The following CA5B variants were observed in gnomAD, a reference collection of about 807,000 sequenced individuals.
The protein encoded by CA5B is carbonic anhydrase 5B, mitochondrial.
CA5B carries 15 observed loss-of-function variants against 23.1 expected under a neutral mutation model. The ratio of observed to expected loss-of-function variants is 0.65; its 90% CI spans 0.43 to 1.00. CA5B has a LOEUF of 1.00. Ranked by LOEUF, CA5B falls within the 50% of genes least tolerant of loss-of-function variation. CA5B has a pLI of 0.00. For synonymous variants in CA5B, 84 were observed against 98.5 expected (o/e 0.85, Z 0.87); for missense variants, 236 against 252.2 (o/e 0.94, Z 0.43).
In CA5B at chrX:15,738,736, T is replaced by G. The variant is rs148663192; in HGVS notation, c.-54+384T>G. On this transcript the variant is annotated intron_variant, in intron 1 of 7. Coordinates refer to ENST00000318636, the MANE Select transcript of CA5B (RefSeq NM_007220.4). ...CAAATAACTCCAGAAAGTCCAGCCT[T>G]CTGTGAAATAGCTAGAGACGGGGGT... Among the ~76,000 whole-genome samples, 734 of 111,131 alleles carry G rather than the reference T, an allele frequency of 6.6e-3. 15 individuals carry two copies. Among genetic ancestry groups the G allele is most frequent in the African/African-American group, 0.023 (712 of 30,513 alleles).
chrX:15,747,277 G>T (rs1601778245), intron 1 of CA5B, among the ~76,000 whole-genome samples: 1 of 111,884 alleles, frequency 8.9e-6, no homozygotes, highest in Non-Finnish European at 1.9e-5. Context: ...TAGACACGAG[G>T]CTGGCCACAC....
At position 15,787,807 on chromosome X, in the gene CA5B, G is replaced by A. The variant is rs1231417181; in HGVS notation, c.*5143G>A. 5.4e-5 allele frequency: 6 copies of A among 111,980 alleles called. No homozygotes were observed. Among genetic ancestry groups the A allele is most frequent in the Admixed American group, 4.8e-4 (5 of 10,506 alleles). 9.2% of individuals were successfully genotyped at this position (111,980 alleles called of 1,213,427 possible). ...TCTCTACTAAAAAATACAAAAATTAGCCAGGTGGTTGTGGCATGCACCTGT... is the reference window on the plus strand; with the variant it reads ...TCTCTACTAAAAAATACAAAAATTAACCAGGTGGTTGTGGCATGCACCTGT... On this transcript the variant is annotated 3_prime_UTR_variant, in exon 8 of 8. Coordinates refer to ENST00000318636, the MANE Select transcript of CA5B (RefSeq NM_007220.4).
intron 3 of CA5B, among the ~76,000 whole-genome samples, chrX:15,767,300 T>C (rs1303074641): frequency 8.9e-6 from 1 of 112,508 alleles, no homozygotes; most frequent in African/African-American, 3.2e-5. Flanking sequence ...AGAAAGTTGC[T>C]TAATGAGTTT....
At chrX:15,752,710 GCGAGA>G (rs2147257057) in intron 2 of CA5B, among the ~76,000 whole-genome samples, 2 of 97,990 alleles carry the variant, frequency 2.0e-5, no homozygotes, top group South Asian at 9.5e-4. Context: ...GGGCGACAGA[GCGAGA>G]CTCTGTCTCA....
At chrX:15,748,708 ACCC>A (rs565940460) in intron 1 of CA5B, among the ~76,000 whole-genome samples, 17 of 58,287 alleles carry the variant, frequency 2.9e-4, no homozygotes, top group Non-Finnish European at 4.1e-4. Flanking sequence ...TATAGTGAGA[ACCC>A]CCCCCCCCGC....
intron 7 of CA5B, among the ~76,000 whole-genome samples, chrX:15,777,405 C>T (rs1931951685): frequency 9.0e-6 from 1 of 111,368 alleles, no homozygotes; most frequent in African/African-American, 3.3e-5. Context: ...ATATAAACTA[C>T]AATAATATTT....
intron 1 of CA5B, among the ~76,000 whole-genome samples, chrX:15,744,165 T>C (rs750473384): frequency 8.9e-6 from 1 of 112,875 alleles, no homozygotes; most frequent in Non-Finnish European, 1.9e-5. Context: ...CTTGGTGTCA[T>C]GCAGACAGTG....
chrX:15,776,906 T>G (rs1210953246), intron 7 of CA5B, 37 bp downstream of exon 7: 11 of 1,134,499 alleles, frequency 9.7e-6, no homozygotes, highest in Non-Finnish European at 1.3e-5. Flanking sequence ...AAGGAAATCC[T>G]TGTCTGCCCA....
chrX:15,745,396 G>A (rs1246850186), intron 1 of CA5B, among the ~76,000 whole-genome samples: 3 of 110,797 alleles, frequency 2.7e-5, no homozygotes, highest in African/African-American at 6.6e-5. Context: ...TTATGTTGGG[G>A]ATGATGAAAT....
chrX:15,775,882 C>G (rs1287264981), intron 6 of CA5B: 1 of 747,595 alleles, frequency 1.3e-6, no homozygotes, highest in Non-Finnish European at 1.6e-6. Context: ...CGTATATTAT[C>G]TCCCCCCATC....
chrX:15,781,023 G>A (rs1932013725), intron 7 of CA5B, among the ~76,000 whole-genome samples: 1 of 108,261 alleles, frequency 9.2e-6, no homozygotes, highest in Admixed American at 9.9e-5. Flanking sequence ...TCGTTGCCCA[G>A]GTGAGAGTCC....
At chrX:15,775,715 G>A in intron 6 of CA5B, 4 of 756,913 alleles carry the variant, frequency 5.3e-6, no homozygotes, top group Non-Finnish European at 4.7e-6. Context: ...CTTCAGGTCG[G>A]ATGCCTTTGT....
rs1931939261 is a variant in CA5B, at chrX:15,776,743, C to G, written c.648C>G (p.Asp216Glu). Residue 216 changes from aspartate (D) to glutamate (E), a missense_variant, in exon 7 of 8, where the codon GAC becomes GAG. By Grantham distance (45) the Asp-to-Glu change is conservative. This residue lies in a region of CA5B where 170 missense variants were observed against 162.0 expected (regional missense o/e 1.05). Coordinates refer to ENST00000318636, the MANE Select transcript of CA5B (RefSeq NM_007220.4). ...KDALVEFGSF[D>E]PSCLMPTCPD... Reference sequence around the variant, plus strand: ...CCCTTGTGGAATTTGGGTCATTTGACCCTTCCTGCCTGATGCCTACCTGCC... The same window carrying G: ...CCCTTGTGGAATTTGGGTCATTTGAGCCTTCCTGCCTGATGCCTACCTGCC... The G allele has an allele frequency of 8.3e-7, 1 of 1,207,498 alleles. No individual in the cohort carries two copies. The highest frequency in any genetic ancestry group is 2.2e-5 in the Admixed American group (1 of 45,726).
At position 15,738,956 on chromosome X, in the gene CA5B, GTTCT is replaced by G. The variant is rs771199507; in HGVS notation, c.-54+610_-54+613del. 6.2e-5 allele frequency among the ~76,000 whole-genome samples: 7 copies of G among 112,033 alleles called. No homozygotes were observed. In the East Asian group the frequency reaches 2.0e-3, roughly 32 times the overall value. On this transcript the variant is annotated intron_variant, in intron 1 of 7. Transcript: ENST00000318636. ...AAATCTGAGCTTTCTTCACCCTGCA[GTTCT>G]TTCTTCTGGCCTTTTTGTTTTGTGC...
chrX:15,745,482 C>T (rs1161765567), intron 1 of CA5B: 3 of 112,434 alleles, frequency 2.7e-5, no homozygotes, highest in Non-Finnish European at 5.6e-5. Flanking sequence ...TGTACATTTA[C>T]AGCTGGTTAA....
At chrX:15,759,180 C>T (rs1211118779) in intron 2 of CA5B, among the ~76,000 whole-genome samples, 1 of 111,221 alleles carries the variant, frequency 9.0e-6, no homozygotes, top group East Asian at 2.8e-4. Flanking sequence ...GGGACTAAGG[C>T]AGGAATGAGC....
At chrX:15,745,156 G>A (rs1490362370) in intron 1 of CA5B, among the ~76,000 whole-genome samples, 3 of 82,794 alleles carry the variant, frequency 3.6e-5, no homozygotes, top group Admixed American at 1.6e-4. Flanking sequence ...GTGACAGAGC[G>A]TGACTCTGTC....
At chrX:15,752,645 A>C (rs1222874904) in intron 2 of CA5B, among the ~76,000 whole-genome samples, 1 of 110,478 alleles carries the variant, frequency 9.1e-6, no homozygotes, top group Non-Finnish European at 1.9e-5. Flanking sequence ...GAATGGCGTG[A>C]ACCCGGGAGG....
chrX:15,759,846 G>C (rs1931567289), intron 2 of CA5B, among the ~76,000 whole-genome samples: 1 of 91,183 alleles, frequency 1.1e-5, no homozygotes, highest in Non-Finnish European at 2.0e-5. Context: ...TCCACCTCCT[G>C]GTTTCAAGCA....
Sources: allele counts gnomAD v4.1 joint callset (sites outside exome capture counted in the v4.1 genomes callset), GRCh38; gene constraint gnomAD v4.1.1; regional missense constraint gnomAD v4.1.1; transcripts MANE v1.5; gene names NCBI Gene and HGNC (gene_info 2026-07-23, HGNC 2026-07-21).